PRDM16: variants seen among roughly 807,000 people sequenced by gnomAD.
PRDM16 encodes PR/SET domain 16.
A neutral mutation model predicts 110.6 loss-of-function variants in PRDM16; 23 were observed. The ratio of observed to expected loss-of-function variants is 0.21; its 90% CI spans 0.15 to 0.29. The LOEUF (loss-of-function observed/expected upper bound fraction) is 0.29, where lower values mean the gene tolerates loss of function less well. Ranked by LOEUF, PRDM16 falls within the 10% of genes least tolerant of loss-of-function variation. The pLI is 1.00. For missense variants in PRDM16, 1,615 were observed against 1,794.3 expected (o/e 0.90, Z 1.81); for synonymous variants, 799 against 781.8 (o/e 1.02, Z -0.37).
intron 3 of PRDM16, among the ~76,000 whole-genome samples, chr1:3,294,644 C>T (rs1641046876): frequency 6.6e-6 from 1 of 152,168 alleles, no homozygotes; most frequent in South Asian, 2.1e-4. Flanking sequence ...TGCTGCCTCC[C>T]CTTCAGCCAG....
intron 3 of PRDM16, among the ~76,000 whole-genome samples, chr1:3,271,020 G>A (rs1394166788): frequency 6.6e-6 from 1 of 152,180 alleles, no homozygotes; most frequent in Non-Finnish European, 1.5e-5. Flanking sequence ...CCTCCCAGAG[G>A]CAGACCTTGG....
rs866376181 is a variant in PRDM16 at position 3,212,602 on chromosome 1, C to A, written c.387+26128C>A. ...TGGAATGGAGGCCCCCGCTCATCCT[C>A]CCGGCCCCCTCGCTGAGGTCCTCCC... On this transcript the variant is annotated intron_variant, in intron 2 of 16. Transcript: ENST00000270722. 3.3e-3 allele frequency among the ~76,000 whole-genome samples: 466 copies of A among 142,144 alleles called. 6 individuals are homozygous for A. The highest frequency in any genetic ancestry group is 0.012 in the African/African-American group (439 of 35,598). The allele number at this position is 142,144 out of a possible 152,430, so 93.3% of individuals were successfully genotyped here. A position where few individuals can be genotyped will look rare whatever the true frequency, so the allele number is the denominator to read the frequency against.
intron 2 of PRDM16, among the ~76,000 whole-genome samples, chr1:3,224,637 C>T (rs535011838): frequency 1.6e-4 from 24 of 152,234 alleles, no homozygotes; most frequent in Non-Finnish European, 2.8e-4. Context: ...ACCTGCAGAA[C>T]TGTGTTCCCC....
intron 2 of PRDM16, among the ~76,000 whole-genome samples, chr1:3,224,012 G>A (rs148427572): frequency 6.6e-6 from 1 of 152,112 alleles, no homozygotes; most frequent in Non-Finnish European, 1.5e-5. Context: ...CTATGGCACC[G>A]ATCAGGGATT....
chr1:3,320,747 A>G (rs745976727), intron 3 of PRDM16, among the ~76,000 whole-genome samples: 9 of 152,218 alleles, frequency 5.9e-5, no homozygotes, highest in Non-Finnish European at 8.8e-5. Flanking sequence ...ATCGATCTCC[A>G]GGCAGAGGTG....
At chr1:3,311,922 G>T (rs1437225796) in intron 3 of PRDM16, among the ~76,000 whole-genome samples, 1 of 152,166 alleles carries the variant, frequency 6.6e-6, no homozygotes, top group African/African-American at 2.4e-5. Context: ...CTACAGCTTT[G>T]CAGGTCAGCT....
intron 8 of PRDM16, among the ~76,000 whole-genome samples, chr1:3,409,315 G>A (rs1459982654): frequency 4.6e-5 from 7 of 152,180 alleles, no homozygotes; most frequent in Middle Eastern, 3.4e-3. Flanking sequence ...GTAGGTGACC[G>A]AGGGGTATTT....
At chr1:3,331,842 C>A (rs917468166) in intron 3 of PRDM16, among the ~76,000 whole-genome samples, 1 of 152,168 alleles carries the variant, frequency 6.6e-6, no homozygotes, top group South Asian at 2.1e-4. Context: ...GGCCCGGCCC[C>A]GTCTGTGGCC....
chr1:3,398,552 G>T (rs1437151396), intron 5 of PRDM16, among the ~76,000 whole-genome samples: 1 of 152,222 alleles, frequency 6.6e-6, no homozygotes, highest in Non-Finnish European at 1.5e-5. Flanking sequence ...CTTGGAGGAG[G>T]CTCTCGAGCT....
At chr1:3,179,016 G>A (rs1644121850) in intron 1 of PRDM16, among the ~76,000 whole-genome samples, 1 of 152,212 alleles carries the variant, frequency 6.6e-6, no homozygotes, top group Non-Finnish European at 1.5e-5. Flanking sequence ...GTTTAGAGAA[G>A]GGGGTGACCC....
chr1:3,099,399 CA>C (rs962337880), intron 1 of PRDM16, among the ~76,000 whole-genome samples: 1 of 152,256 alleles, frequency 6.6e-6, no homozygotes, highest in Non-Finnish European at 1.5e-5. Context: ...TCAGCTACAC[CA>C]ATAACCAGCC....
chr1:3,090,972 C>G (rs1570234581), intron 1 of PRDM16, among the ~76,000 whole-genome samples: 1 of 152,146 alleles, frequency 6.6e-6, no homozygotes, highest in African/African-American at 2.4e-5. Context: ...AGACAGCCCC[C>G]AGGGCTCCAG....
chr1:3,412,262 G>C lies in PRDM16; in HGVS notation c.2065G>C (p.Ala689Pro), dbSNP rs750573716. ...DEQLLTATGA[A>P]GDSIKAIASI... is the part of the protein sequence containing the mutation. ...GCAGCTGCTGACTGCAACGGGCGCCGCCGGGGACTCCATCAAGGCCATCGC... is the reference window on the plus strand; with the variant it reads ...GCAGCTGCTGACTGCAACGGGCGCCCCCGGGGACTCCATCAAGGCCATCGC... Residue 689 changes from alanine (A) to proline (P), a missense_variant, in exon 9 of 17, where the codon GCC (alanine) becomes CCC (proline). Physicochemically the swap from Ala to Pro is conservative, Grantham distance 27. Transcript: ENST00000270722. The C allele has an allele frequency of 6.2e-7, 1 of 1,612,794 alleles. No homozygotes were observed. Among genetic ancestry groups the C allele is most frequent in the Non-Finnish European group, 8.5e-7 (1 of 1,179,694 alleles).
chr1:3,088,149 G>A lies in PRDM16; in HGVS notation c.37+18853G>A, dbSNP rs372531415. Among the ~76,000 whole-genome samples, 169 of 152,220 alleles carry A rather than the reference G, an allele frequency of 1.1e-3. 3 individuals carry two copies. In the Middle Eastern group the frequency reaches 0.014, roughly 12 times the overall value. On this transcript the variant is annotated intron_variant, in intron 1 of 16. Coordinates refer to ENST00000270722, the MANE Select transcript of PRDM16 (RefSeq NM_022114.4). ...TCGCCTGACCTCCACCGCTGCTGCC[G>A]GTGCAGCTTGCACACACAGGAGTTT...
chr1:3,181,123 C>T (rs886209687), intron 1 of PRDM16, among the ~76,000 whole-genome samples: 20 of 124,516 alleles, frequency 1.6e-4, no homozygotes, highest in Admixed American at 5.0e-4. Context: ...GCCTTACACA[C>T]GCAGTCTTAC....
In PRDM16 at chr1:3,256,805, C is replaced by T. The variant is rs763349315; in HGVS notation, c.438+12668C>T. On this transcript the variant is annotated intron_variant, in intron 3 of 16. Coordinates refer to ENST00000270722, the MANE Select transcript of PRDM16 (RefSeq NM_022114.4). ...CCAGGAGGCAGAGCTTGCAGTGAGC[C>T]GAGATGGCACCACTGCACTCCAGCC... is the stretch of plus-strand genomic sequence containing the variant. 3.9e-5 allele frequency among the ~76,000 whole-genome samples: 6 copies of T among 152,144 alleles called. No individual in the cohort carries two copies. The East Asian group carries it at 9.7e-4, about 25-fold the overall frequency.
intron 3 of PRDM16, among the ~76,000 whole-genome samples, chr1:3,292,315 G>T (rs1308815394): frequency 6.6e-6 from 1 of 152,218 alleles, no homozygotes; most frequent in Non-Finnish European, 1.5e-5. Flanking sequence ...GGCACGGCAG[G>T]CCCGGGCTTT....
At position 3,376,150 on chromosome 1, in the gene PRDM16, G is replaced by A. The variant is rs982676608; in HGVS notation, c.439-9002G>A. On this transcript the variant is annotated intron_variant, in intron 3 of 16. Coordinates refer to ENST00000270722, the MANE Select transcript of PRDM16 (RefSeq NM_022114.4). ...TTTGCAGGGCATCTGGGTGACTGGA[G>A]CTTTTGAAGGGAGAGGGTCTGTGAC... is the stretch of plus-strand genomic sequence containing the variant. 2.6e-5 allele frequency among the ~76,000 whole-genome samples: 4 copies of A among 152,196 alleles called. No individual in the cohort carries two copies. In the East Asian group the frequency reaches 5.8e-4, roughly 22 times the overall value.
At chr1:3,331,175 A>T (rs1405966417) in intron 3 of PRDM16, among the ~76,000 whole-genome samples, 1 of 152,176 alleles carries the variant, frequency 6.6e-6, no homozygotes, top group Non-Finnish European at 1.5e-5. Context: ...CCATACCTCC[A>T]GCACTTGGGT....
Sources: allele counts gnomAD v4.1 joint callset (sites outside exome capture counted in the v4.1 genomes callset), GRCh38; gene constraint gnomAD v4.1.1; transcripts MANE v1.5; gene names NCBI Gene and HGNC (gene_info 2026-07-23, HGNC 2026-07-21).